The following TUBGCP4 variants were observed in gnomAD, a reference collection of about 807,000 sequenced individuals.
TUBGCP4 encodes tubulin gamma complex component 4.
Under a neutral mutation model 91.6 loss-of-function variants are expected in TUBGCP4, and 54 were observed. The observed-to-expected ratio is 0.59, with a 90% confidence interval of 0.47 to 0.74. The LOEUF is 0.74. TUBGCP4 is among the 30% of genes least tolerant of loss of function. The probability of loss-of-function intolerance (pLI) is 0.00; values close to 1 mark genes in which losing one functional copy is unlikely to be tolerated. For missense variants in TUBGCP4, 593 were observed against 800.9 expected (o/e 0.74, Z 3.13); for synonymous variants, 297 against 302.8 (o/e 0.98, Z 0.20).
In TUBGCP4 at chr15:43,403,697, GAATGA is replaced by G; in HGVS notation, c.1750_1754del (p.Glu584ProfsTer20). 6.2e-7 allele frequency: 1 copy of G among 1,612,470 alleles called. No homozygotes were observed. Among genetic ancestry groups the G allele is most frequent in the Non-Finnish European group, 8.5e-7 (1 of 1,179,720 alleles). On this transcript the variant is annotated frameshift_variant, in exon 16 of 18. Transcript: ENST00000564079. LOFTEE classifies it high-confidence loss of function. ...TTCCCGGGTAGGTGTTTCACTGCCT[GAATGA>G]AATCCTAGATCTCTGTCACAGTTTT...
intron 11 of TUBGCP4, 125 bp from the exon 12 acceptor site, chr15:43,397,089 A>G (rs558632686): frequency 6.9e-6 from 5 of 720,672 alleles, no homozygotes; most frequent in East Asian, 5.0e-5. Context: ...TAGACAAATG[A>G]AACAGATGTC....
rs2044986645 is a variant in TUBGCP4 at position 43,408,283 on chromosome 15, G to A, written c.*3069G>A. On this transcript the variant is annotated 3_prime_UTR_variant, in exon 18 of 18. Coordinates refer to ENST00000564079, the MANE Select transcript of TUBGCP4 (RefSeq NM_014444.5). ...TCTTGGGCCTGGGAGTTCGAGACCA[G>A]CCTGGGCAATGTGGTGAGACCCCAT... 5.4e-6 allele frequency: 3 copies of A among 558,482 alleles called. No homozygotes were observed. 34.6% of individuals were successfully genotyped at this position (558,482 alleles called of 1,614,324 possible).
intron 3 of TUBGCP4, 117 bp downstream of exon 3, chr15:43,376,742 C>A: frequency 7.1e-7 from 1 of 1,406,190 alleles, no homozygotes; most frequent in Non-Finnish European, 9.7e-7. Context: ...GCCTGCATGG[C>A]TGGAAGGTAC....
At position 43,408,178 on chromosome 15, in the gene TUBGCP4, T is replaced by G; in HGVS notation, c.*2964T>G. 2 of 1,328,058 alleles carry G rather than the reference T, an allele frequency of 1.5e-6. No homozygotes were observed. The highest frequency in any genetic ancestry group is 2.1e-6 in the Non-Finnish European group (2 of 963,636). 82.3% of individuals were successfully genotyped at this position (1,328,058 alleles called of 1,614,324 possible). A position where few individuals can be genotyped will look rare whatever the true frequency, so the allele number is the denominator to read the frequency against. ...AAGGGACTCATGTACATCTGAATGCTTTCAAAAATAAATGCCCCATCAGAC... is the reference window on the plus strand; with the variant it reads ...AAGGGACTCATGTACATCTGAATGCGTTCAAAAATAAATGCCCCATCAGAC... On this transcript the variant is annotated 3_prime_UTR_variant, in exon 18 of 18. Transcript: ENST00000564079.
In TUBGCP4 at chr15:43,386,342, ATCG is replaced by A; in HGVS notation, c.1014+14_1014+16del. On this transcript the variant is annotated intron_variant, in intron 9 of 17. Coordinates refer to ENST00000564079, the MANE Select transcript of TUBGCP4 (RefSeq NM_014444.5). ...GCACTGTGGCTGAGGTTTGTGTTTC[ATCG>A]TATATATATATATATATATATATAT... is the stretch of plus-strand genomic sequence containing the variant. The A allele has an allele frequency of 2.5e-6, 1 of 393,686 alleles. No homozygotes were observed. Among genetic ancestry groups the A allele is most frequent in the Non-Finnish European group, 4.3e-6 (1 of 232,700 alleles). The allele number at this position is 393,686 out of a possible 1,614,324, so 24.4% of individuals were successfully genotyped here.
intron 9 of TUBGCP4, among the ~76,000 whole-genome samples, chr15:43,390,802 C>A (rs1473309625): frequency 6.6e-6 from 1 of 151,958 alleles, no homozygotes. Flanking sequence ...AGCCACTGGG[C>A]CTGGCTTTTT....
rs529483321 is a variant in TUBGCP4, at chr15:43,407,641, G to A, written c.*2427G>A. The A allele has an allele frequency of 4.7e-5, 68 of 1,433,862 alleles. No homozygotes were observed. The African/African-American group carries it at 8.2e-4, about 17-fold the overall frequency. The allele number at this position is 1,433,862 out of a possible 1,614,324, so 88.8% of individuals were successfully genotyped here. ...AGCCCTCCATTAGAAAGAGAGATTT[G>A]ATTCTAACCAATACATCCCACTCTG... On this transcript the variant is annotated 3_prime_UTR_variant, in exon 18 of 18. Transcript: ENST00000564079.
chr15:43,399,316 TTC>T (rs1056000499), intron 13 of TUBGCP4: 2 of 280,428 alleles, frequency 7.1e-6, no homozygotes, highest in Non-Finnish European at 1.4e-5. Flanking sequence ...CTATTTTACT[TTC>T]TTTCGGCTCT....
chr15:43,403,441 T>C lies in TUBGCP4; in HGVS notation c.1732-242T>C, dbSNP rs1488233559. ...AAATGAAGAGTTAAATGTGGCTAGA[T>C]TGGAGGTTTGGTGCAGGGCTAAGAG... On this transcript the variant is annotated intron_variant, in intron 15 of 17. Transcript: ENST00000564079. The C allele has an allele frequency of 1.1e-5, 4 of 363,558 alleles. No individual in the cohort carries two copies. The South Asian group carries it at 1.4e-4, about 13-fold the overall frequency. The allele number at this position is 363,558 out of a possible 1,614,324, so 22.5% of individuals were successfully genotyped here. A position where few individuals can be genotyped will look rare whatever the true frequency, so the allele number is the denominator to read the frequency against.
chr15:43,381,755 A>G (rs1185962195), intron 6 of TUBGCP4, among the ~76,000 whole-genome samples: 1 of 151,786 alleles, frequency 6.6e-6, no homozygotes. Context: ...AAAAAAACCA[A>G]CCAAACGCTA....
chr15:43,390,442 A>G (rs1163446077), intron 9 of TUBGCP4, among the ~76,000 whole-genome samples: 1 of 151,330 alleles, frequency 6.6e-6, no homozygotes, highest in East Asian at 1.9e-4. Flanking sequence ...TTTATTTAGA[A>G]TTTCTTTTTA....
At chr15:43,391,389 C>T (rs1247374441) in intron 9 of TUBGCP4, 2 of 152,140 alleles carry the variant, frequency 1.3e-5, no homozygotes, top group Non-Finnish European at 1.5e-5. Context: ...TTTGTAGAGA[C>T]GGAGTCTCAG....
Position 43,385,968 on chromosome 15 carries a change from C to G in TUBGCP4, c.889+12C>G. On this transcript the variant is annotated intron_variant, in intron 8 of 17. Transcript: ENST00000564079. ...CCTGACTAGAAAAGGTAGAAATCTC[C>G]TTGTCCAATGTACCACACCCTCAAA... 1 of 1,613,226 alleles carries G rather than the reference C, an allele frequency of 6.2e-7. No homozygotes were observed. The highest frequency in any genetic ancestry group is 2.2e-5 in the East Asian group (1 of 44,858).
In TUBGCP4 at chr15:43,408,724, G is replaced by A; in HGVS notation, c.*3510G>A. 1 of 636,826 alleles carries A rather than the reference G, an allele frequency of 1.6e-6. No individual in the cohort carries two copies. Among genetic ancestry groups the A allele is most frequent in the Non-Finnish European group, 2.7e-6 (1 of 371,516 alleles). The allele number at this position is 636,826 out of a possible 1,614,324, so 39.4% of individuals were successfully genotyped here. ...CATTTGCAAAAGGTTCCTAGCCAAT[G>A]TAACCTAGGGAAATAAACTAGATAA... On this transcript the variant is annotated 3_prime_UTR_variant, in exon 18 of 18. Transcript: ENST00000564079.
chr15:43,385,987 C>T, intron 8 of TUBGCP4, 31 bp downstream of exon 8: 1 of 1,610,250 alleles, frequency 6.2e-7, no homozygotes, highest in Non-Finnish European at 8.5e-7. Flanking sequence ...TGTACCACAC[C>T]CTCAAAATCT....
chr15:43,386,154 A>G, intron 8 of TUBGCP4, 52 bp from the exon 9 acceptor site: 1 of 1,562,106 alleles, frequency 6.4e-7, no homozygotes, highest in Admixed American at 1.9e-5. Context: ...GAAAACCCTA[A>G]CTGTCCTGGG....
chr15:43,383,164 A>G (rs1008188442), intron 6 of TUBGCP4, 139 bp from the exon 7 acceptor site: 2 of 638,512 alleles, frequency 3.1e-6, no homozygotes, highest in African/African-American at 3.7e-5. Context: ...TAGTTCACCC[A>G]CATTTAAATT....
intron 9 of TUBGCP4, among the ~76,000 whole-genome samples, chr15:43,388,431 T>C (rs2044416311): frequency 6.6e-6 from 1 of 152,244 alleles, no homozygotes; most frequent in Non-Finnish European, 1.5e-5. Flanking sequence ...TTTGAATCTT[T>C]CTGGGCAAGT....
chr15:43,404,469 T>C lies in TUBGCP4; in HGVS notation c.1905T>C (p.His635=). Residue 635 remains histidine, a synonymous_variant, in exon 17 of 18, where the codon CAT becomes CAC. Coordinates refer to ENST00000564079, the MANE Select transcript of TUBGCP4 (RefSeq NM_014444.5). ...LFKILSSVRN[H]QINSDLAQLL... The stretch of plus-strand genomic sequence containing the variant: ...AGATTCTCTCCAGTGTTCGGAATCA[T>C]CAGATCAACTCAGATTTGGCTCAAC... The C allele has an allele frequency of 6.2e-7, 1 of 1,614,166 alleles. No homozygotes were observed. Among genetic ancestry groups the C allele is most frequent in the South Asian group, 1.1e-5 (1 of 91,080 alleles).
Sources: gnomAD v4.1 joint callset for allele counts (sites outside exome capture counted in the v4.1 genomes callset) on GRCh38, gnomAD v4.1.1 for gene constraint, MANE v1.5 for transcripts, NCBI Gene and HGNC (gene_info 2026-07-23, HGNC 2026-07-21) for gene names.